PSD3: variants seen among roughly 807,000 people sequenced by gnomAD.
The protein encoded by PSD3 is pleckstrin and Sec7 domain containing 3.
In PSD3, 49 loss-of-function variants were observed where a neutral mutation model predicts 105.5. The observed-to-expected ratio is 0.46, with a 90% CI of 0.37 to 0.59. PSD3 has a LOEUF of 0.59. Among genes scored for constraint, PSD3 ranks in the 20% least tolerant of loss-of-function variants. The pLI is 0.00. For synonymous variants in PSD3, 557 were observed against 457.8 expected (o/e 1.22, Z -2.77); for missense variants, 1,561 against 1,263.8 (o/e 1.24, Z -3.57).
chr8:18,837,749 G>T (rs763278145), intron 4 of PSD3, among the ~76,000 whole-genome samples: 3 of 151,968 alleles, frequency 2.0e-5, no homozygotes, highest in Non-Finnish European at 4.4e-5. Context: ...AACCAGCCTG[G>T]GCAAGATGAC....
intron 2 of PSD3, among the ~76,000 whole-genome samples, chr8:18,924,290 T>C (rs945631754): frequency 7.9e-5 from 12 of 152,296 alleles, no homozygotes; most frequent in South Asian, 2.1e-4. Flanking sequence ...GGAGAACATA[T>C]GGTCAGTTTA....
At chr8:18,906,871 C>G (rs1035239497) in intron 2 of PSD3, among the ~76,000 whole-genome samples, 44 of 152,140 alleles carry the variant, frequency 2.9e-4, no homozygotes, top group African/African-American at 1.0e-3. Flanking sequence ...AAAACACTCC[C>G]ATTGCCTAGT....
intron 9 of PSD3, among the ~76,000 whole-genome samples, chr8:18,682,939 C>T (rs1183035026): frequency 2.0e-5 from 3 of 152,046 alleles, no homozygotes; most frequent in Non-Finnish European, 4.4e-5. Context: ...CATGAATCTC[C>T]GTTATAATCA....
In PSD3 at chr8:18,872,024, G is replaced by T. The variant is rs1817396267; in HGVS notation, c.840C>A (p.His280Gln). The change falls in exon 3 of 16, where the codon CAC becomes CAA. Residue 280 changes from histidine to glutamine, a missense_variant. By Grantham distance (24) the His-to-Gln change is conservative. Transcript: ENST00000327040. ...KEQRSALGRE[H>Q]PGGCDRSSSM... is the part of the protein sequence containing the mutation. ...AGCTGCTTCGATCACATCCCCCTGGGTGCTCTCTCCCAAGAGCAGACCTCT... is the reference window on the plus strand; with the variant it reads ...AGCTGCTTCGATCACATCCCCCTGGTTGCTCTCTCCCAAGAGCAGACCTCT... 1.2e-6 allele frequency: 2 copies of T among 1,613,958 alleles called. No homozygotes were observed. Among genetic ancestry groups the T allele is most frequent in the African/African-American group, 2.7e-5 (2 of 74,878 alleles).
chr8:18,861,720 T>C (rs1195705378), intron 4 of PSD3, among the ~76,000 whole-genome samples: 1 of 152,164 alleles, frequency 6.6e-6, no homozygotes, highest in Non-Finnish European at 1.5e-5. Flanking sequence ...TTTCTTATTA[T>C]TCCTTAGACT....
At chr8:18,707,414 A>G (rs1801967804) in intron 9 of PSD3, among the ~76,000 whole-genome samples, 1 of 152,212 alleles carries the variant, frequency 6.6e-6, no homozygotes, top group Non-Finnish European at 1.5e-5. Context: ...AAATTAATCC[A>G]ACAGCTTCAG....
intron 2 of PSD3, among the ~76,000 whole-genome samples, chr8:18,926,713 C>T (rs560554590): frequency 6.6e-6 from 1 of 152,318 alleles, no homozygotes; most frequent in Admixed American, 6.5e-5. Flanking sequence ...TGATCTCACA[C>T]CACAAGGTGT....
intron 10 of PSD3, among the ~76,000 whole-genome samples, chr8:18,641,246 A>G (rs1807621210): frequency 6.6e-6 from 1 of 152,188 alleles, no homozygotes; most frequent in South Asian, 2.1e-4. Flanking sequence ...GCTAGATGTT[A>G]CCAAGTCCCT....
intron 1 of PSD3, among the ~76,000 whole-genome samples, chr8:19,023,591 C>T (rs1278203131): frequency 6.6e-6 from 1 of 151,668 alleles, no homozygotes; most frequent in Admixed American, 6.6e-5. Flanking sequence ...ATTACCGCAC[C>T]CCACTGAATA....
At chr8:18,586,398 C>T (rs1048696554) in intron 12 of PSD3, among the ~76,000 whole-genome samples, 6 of 151,974 alleles carry the variant, frequency 3.9e-5, no homozygotes, top group Admixed American at 1.3e-4. Flanking sequence ...TGAAGAAATG[C>T]GAATTGAATT....
chr8:18,825,684 T>G (rs1253104219), intron 4 of PSD3, among the ~76,000 whole-genome samples: 1 of 152,248 alleles, frequency 6.6e-6, no homozygotes, highest in Non-Finnish European at 1.5e-5. Flanking sequence ...CTGTTTTAAC[T>G]GATCAATATT....
At chr8:18,837,148 T>C (rs1029457664) in intron 4 of PSD3, among the ~76,000 whole-genome samples, 1 of 152,002 alleles carries the variant, frequency 6.6e-6, no homozygotes, top group African/African-American at 2.4e-5. Flanking sequence ...AGAGACAGCA[T>C]ATATATTCCC....
chr8:18,993,863 AAACAATTTGATTAT>A (rs1563493936), intron 1 of PSD3, among the ~76,000 whole-genome samples: 1 of 151,828 alleles, frequency 6.6e-6, no homozygotes, highest in Non-Finnish European at 1.5e-5. Context: ...TGATTATATC[AAACAATTTGATTAT>A]ATCAATATAA....
chr8:18,975,314 A>ATTT (rs71218914), intron 1 of PSD3, among the ~76,000 whole-genome samples: 2 of 144,316 alleles, frequency 1.4e-5, no homozygotes, highest in African/African-American at 5.2e-5. Context: ...ATTTTCTGAA[A>ATTT]TTTTTTTTTT....
chr8:18,688,805 T>C (rs1482843165), intron 9 of PSD3, among the ~76,000 whole-genome samples: 2 of 152,176 alleles, frequency 1.3e-5, no homozygotes, highest in Admixed American at 6.5e-5. Flanking sequence ...TGACCATTTA[T>C]AGACATGAGC....
At chr8:18,894,316 A>C (rs1819001957) in intron 2 of PSD3, among the ~76,000 whole-genome samples, 1 of 152,224 alleles carries the variant, frequency 6.6e-6, no homozygotes, top group African/African-American at 2.4e-5. Context: ...AAATGACAGA[A>C]GTCACATGAA....
chr8:18,790,819 C>G (rs779471013), intron 8 of PSD3, among the ~76,000 whole-genome samples: 1 of 151,458 alleles, frequency 6.6e-6, no homozygotes, highest in Non-Finnish European at 1.5e-5. Context: ...TGGGAAGCTC[C>G]AAGTCAGGTA....
chr8:18,540,345 A>G (rs1406521612), intron 15 of PSD3, among the ~76,000 whole-genome samples: 1 of 152,162 alleles, frequency 6.6e-6, no homozygotes, highest in African/African-American at 2.4e-5. Context: ...TTTTATTGTG[A>G]TATTTGCTTT....
At chr8:18,783,998 G>A (rs1014797707) in intron 8 of PSD3, among the ~76,000 whole-genome samples, 1 of 152,070 alleles carries the variant, frequency 6.6e-6, no homozygotes, top group African/African-American at 2.4e-5. Flanking sequence ...TGGTTATTTA[G>A]GAGTATATTG....
Sources: gnomAD v4.1 joint callset for allele counts (sites outside exome capture counted in the v4.1 genomes callset) on GRCh38, gnomAD v4.1.1 for gene constraint, MANE v1.5 for transcripts, NCBI Gene and HGNC (gene_info 2026-07-23, HGNC 2026-07-21) for gene names.